The following TMEM117 variants were observed in gnomAD, a reference collection of about 807,000 sequenced individuals.
TMEM117 encodes transmembrane protein 117.
TMEM117 carries 27 observed loss-of-function variants against 52.4 expected under a neutral mutation model. The observed-to-expected ratio is 0.51, with a 90% CI of 0.38 to 0.71. The LOEUF (loss-of-function observed/expected upper bound fraction) is 0.71. TMEM117 is among the 30% of genes least tolerant of loss of function. TMEM117 has a pLI of 0.00. For synonymous variants in TMEM117, 215 were observed against 206.3 expected, an observed-to-expected ratio of 1.04 and a Z score of -0.36; for missense variants, 556 against 630.5, an observed-to-expected ratio of 0.88 and a Z score of 1.26.
In TMEM117 at chr12:43,885,377, A is replaced by C. The variant is rs192846233; in HGVS notation, c.277+40449A>C. Among the ~76,000 whole-genome samples the C allele has an allele frequency of 4.7e-3, 706 of 151,080 alleles. 8 individuals are homozygous for C. The highest frequency in any genetic ancestry group is 0.038 in the Admixed American group (574 of 15,136). On this transcript the variant is annotated intron_variant, in intron 2 of 7. Coordinates refer to ENST00000266534, the MANE Select transcript of TMEM117 (RefSeq NM_032256.3). Reference sequence around the variant, plus strand: ...TCCTGACTTGTTCTCTTGCTTTCATAGAGATTTAAGGGCCTCCCCTATTTT... The same window carrying C: ...TCCTGACTTGTTCTCTTGCTTTCATCGAGATTTAAGGGCCTCCCCTATTTT...
chr12:44,049,056 A>G (rs1273647736), intron 3 of TMEM117, among the ~76,000 whole-genome samples: 2 of 152,196 alleles, frequency 1.3e-5, no homozygotes, highest in African/African-American at 2.4e-5. Context: ...CAGCAATTCC[A>G]TTACTGGGTA....
At chr12:43,968,571 A>G (rs1945522899) in intron 3 of TMEM117, among the ~76,000 whole-genome samples, 2 of 152,208 alleles carry the variant, frequency 1.3e-5, no homozygotes, top group East Asian at 1.9e-4. Flanking sequence ...TTTGTTGTCT[A>G]TAACTTAACT....
intron 4 of TMEM117, among the ~76,000 whole-genome samples, chr12:44,200,588 A>G (rs1460902884): frequency 6.6e-6 from 1 of 152,184 alleles, no homozygotes; most frequent in East Asian, 1.9e-4. Flanking sequence ...ACAATTCAGA[A>G]ATTTTGTTTT....
chr12:44,218,451 A>T (rs1949747512), intron 5 of TMEM117, among the ~76,000 whole-genome samples: 1 of 152,130 alleles, frequency 6.6e-6, no homozygotes, highest in South Asian at 2.1e-4. Flanking sequence ...CATGATAAAA[A>T]CTCTACAAAC....
chr12:43,811,432 C>T, the TMEM117 span, among the ~76,000 whole-genome samples: 2 of 152,190 alleles, frequency 1.3e-5, no homozygotes, highest in Non-Finnish European at 2.9e-5. Context: ...TTGTCACTCT[C>T]CCCTACTGGA....
chr12:44,108,050 A>C (rs1401963886), intron 3 of TMEM117, among the ~76,000 whole-genome samples: 1 of 152,144 alleles, frequency 6.6e-6, no homozygotes, highest in East Asian at 1.9e-4. Context: ...TTTTAGTAAA[A>C]TGAGTAAGAT....
intron 2 of TMEM117, among the ~76,000 whole-genome samples, chr12:43,927,722 A>T (rs1056938526): frequency 6.6e-6 from 1 of 151,964 alleles, no homozygotes; most frequent in Non-Finnish European, 1.5e-5. Context: ...AAACTAATAC[A>T]TATTCTAGCT....
At chr12:43,810,421 C>G in the TMEM117 span, among the ~76,000 whole-genome samples, 13 of 152,144 alleles carry the variant, frequency 8.5e-5, no homozygotes, top group African/African-American at 2.7e-4. Context: ...TTATCTCATA[C>G]TGAGTCCACA....
At chr12:43,831,693 A>ACCTATATTAG (rs1233381953), upstream of TMEM117, among the ~76,000 whole-genome samples, 2 of 151,920 alleles carry the variant, frequency 1.3e-5, no homozygotes, top group African/African-American at 4.8e-5. Flanking sequence ...ATAGGTGCGC[A>ACCTATATTAG]CCACCACTCC....
At chr12:44,281,189 GACATGACATT>G (rs1381354954) in intron 5 of TMEM117, among the ~76,000 whole-genome samples, 4 of 152,116 alleles carry the variant, frequency 2.6e-5, no homozygotes, top group Non-Finnish European at 4.4e-5. Flanking sequence ...CTTTCATTGT[GACATGACATT>G]ACATCCTTTA....
chr12:44,028,947 T>C (rs999441988), intron 3 of TMEM117, among the ~76,000 whole-genome samples: 12 of 152,088 alleles, frequency 7.9e-5, no homozygotes, highest in Non-Finnish European at 1.8e-4. Context: ...TTTGGGTAAG[T>C]GGTGGGGTCC....
intron 5 of TMEM117, among the ~76,000 whole-genome samples, chr12:44,227,087 G>A (rs1949871550): frequency 6.6e-6 from 1 of 152,072 alleles, no homozygotes; most frequent in Non-Finnish European, 1.5e-5. Context: ...CTCAAGACAT[G>A]GCTTAGGATT....
intron 5 of TMEM117, among the ~76,000 whole-genome samples, chr12:44,297,657 A>G (rs971827291): frequency 6.6e-6 from 1 of 152,208 alleles, no homozygotes; most frequent in Non-Finnish European, 1.5e-5. Flanking sequence ...CTACCAAAAA[A>G]CTTTGAATAA....
intron 2 of TMEM117, among the ~76,000 whole-genome samples, chr12:43,869,554 T>C (rs1351209563): frequency 1.3e-5 from 2 of 152,214 alleles, no homozygotes; most frequent in African/African-American, 2.4e-5. Flanking sequence ...AAATGTGTAC[T>C]CTGATGGCAG....
chr12:43,900,179 T>C (rs1383025434), intron 2 of TMEM117, among the ~76,000 whole-genome samples: 1 of 152,198 alleles, frequency 6.6e-6, no homozygotes, highest in Admixed American at 6.5e-5. Flanking sequence ...TGTATTTAAA[T>C]AGGGTCCTTG....
At chr12:44,055,009 T>A (rs1200722289) in intron 3 of TMEM117, among the ~76,000 whole-genome samples, 1 of 152,198 alleles carries the variant, frequency 6.6e-6, no homozygotes, top group Non-Finnish European at 1.5e-5. Context: ...CACCTCAGTG[T>A]TAATCCTACT....
intron 3 of TMEM117, among the ~76,000 whole-genome samples, chr12:44,118,357 G>A (rs2138130187): frequency 6.6e-6 from 1 of 152,266 alleles, no homozygotes; most frequent in South Asian, 2.1e-4. Flanking sequence ...TGGTTTAGAA[G>A]AGGTAGAAAT....
At chr12:43,893,038 C>T (rs780850359) in intron 2 of TMEM117, among the ~76,000 whole-genome samples, 19 of 152,138 alleles carry the variant, frequency 1.2e-4, no homozygotes, top group African/African-American at 1.9e-4. Context: ...AGAAGGACAG[C>T]GTAGCTGGAG....
chr12:44,160,411 C>CT (rs1166424362), intron 4 of TMEM117, among the ~76,000 whole-genome samples: 1 of 152,066 alleles, frequency 6.6e-6, no homozygotes, highest in Non-Finnish European at 1.5e-5. Context: ...ACCAATGAAG[C>CT]TTATTTTCAG....
Sources: gnomAD v4.1 joint callset for allele counts (sites outside exome capture counted in the v4.1 genomes callset) on GRCh38, gnomAD v4.1.1 for gene constraint, MANE v1.5 for transcripts, NCBI Gene and HGNC (gene_info 2026-07-23, HGNC 2026-07-21) for gene names.